Variants in TSHZ2 observed in about 807,000 individuals in gnomAD.
The protein encoded by TSHZ2 is teashirt zinc finger homeobox 2.
Under a neutral mutation model 74.4 loss-of-function variants are expected in TSHZ2, and 21 were observed. The ratio of observed to expected loss-of-function variants is 0.28; its 90% CI spans 0.20 to 0.41. The LOEUF is 0.41. TSHZ2 is among the 10% of genes least tolerant of loss of function. The pLI, the probability that TSHZ2 is intolerant of heterozygous loss-of-function variation, is 1.00. For synonymous variants in TSHZ2, 540 were observed against 515.3 expected, an observed-to-expected ratio of 1.05 and a Z score of -0.65; for missense variants, 1,244 against 1,293.5, an observed-to-expected ratio of 0.96 and a Z score of 0.59.
chr20:53,357,631 T>C (rs774890686), intron 2 of TSHZ2, among the ~76,000 whole-genome samples: 24 of 152,192 alleles, frequency 1.6e-4, no homozygotes, highest in Non-Finnish European at 2.8e-4. Flanking sequence ...CAAGAAACAA[T>C]TACGTACTCA....
intron 1 of TSHZ2, chr20:53,179,256 G>A (rs1477004475): frequency 1.3e-5 from 2 of 151,876 alleles, no homozygotes; most frequent in South Asian, 2.1e-4. Context: ...ACACCACATC[G>A]AGTCTTGGTC....
intron 2 of TSHZ2, among the ~76,000 whole-genome samples, chr20:53,341,460 T>G (rs1393946164): frequency 6.6e-6 from 1 of 152,034 alleles, no homozygotes. Flanking sequence ...CTAAGGCTTT[T>G]CATGCATTAT....
chr20:53,340,419 C>T (rs564404367), intron 2 of TSHZ2, among the ~76,000 whole-genome samples: 30 of 152,096 alleles, frequency 2.0e-4, no homozygotes, highest in African/African-American at 5.8e-4. Flanking sequence ...CTCCTGACCT[C>T]GTGATCCGCC....
chr20:53,058,172 C>T (rs1220874345), intron 1 of TSHZ2, among the ~76,000 whole-genome samples: 1 of 152,112 alleles, frequency 6.6e-6, no homozygotes, highest in African/African-American at 2.4e-5. Context: ...CAGCTCGGGC[C>T]ATAAGACTCT....
intron 2 of TSHZ2, among the ~76,000 whole-genome samples, chr20:53,270,357 G>C (rs1417535232): frequency 1.3e-5 from 2 of 152,086 alleles, no homozygotes; most frequent in East Asian, 3.9e-4. Context: ...TAAGCTGCTA[G>C]GGCCTTATGT....
intron 2 of TSHZ2, among the ~76,000 whole-genome samples, chr20:53,268,159 G>T (rs1026984348): frequency 6.6e-6 from 1 of 152,142 alleles, no homozygotes; most frequent in African/African-American, 2.4e-5. Context: ...GCGGGCATTT[G>T]GAAGTCCTTT....
intron 1 of TSHZ2, among the ~76,000 whole-genome samples, chr20:52,991,388 G>A (rs1462600439): frequency 2.3e-5 from 3 of 132,804 alleles, no homozygotes; most frequent in Non-Finnish European, 3.2e-5. Flanking sequence ...GTATGTTGTG[G>A]GTATCAGTGT....
intron 2 of TSHZ2, among the ~76,000 whole-genome samples, chr20:53,257,836 T>A (rs150427451): frequency 8.0e-4 from 122 of 152,332 alleles, no homozygotes; most frequent in African/African-American, 2.8e-3. Context: ...GAAAAACTAA[T>A]AACATATAAT....
At chr20:53,057,280 C>T (rs1984670632) in intron 1 of TSHZ2, among the ~76,000 whole-genome samples, 1 of 152,142 alleles carries the variant, frequency 6.6e-6, no homozygotes, top group Non-Finnish European at 1.5e-5. Flanking sequence ...TAAGCATGCA[C>T]CATTTTTACT....
At chr20:53,240,905 G>T (rs1038515466) in intron 1 of TSHZ2, among the ~76,000 whole-genome samples, 1 of 152,054 alleles carries the variant, frequency 6.6e-6, no homozygotes, top group Non-Finnish European at 1.5e-5. Context: ...AAGCCAGAAA[G>T]AATATCAAGA....
intron 2 of TSHZ2, among the ~76,000 whole-genome samples, chr20:53,446,257 G>T (rs552378031): frequency 1.7e-3 from 262 of 152,132 alleles, no homozygotes; most frequent in Admixed American, 5.1e-3. Flanking sequence ...CCTTGAAACA[G>T]GAAGTGAATA....
chr20:52,989,954 T>C (rs113333588), intron 1 of TSHZ2, among the ~76,000 whole-genome samples: 8,041 of 151,594 alleles, frequency 0.053, 338 homozygotes, highest in Non-Finnish European at 0.078. Flanking sequence ...TATATATACA[T>C]ACTAATTATA....
At chr20:53,043,640 T>G (rs907678729) in intron 1 of TSHZ2, among the ~76,000 whole-genome samples, 6 of 152,202 alleles carry the variant, frequency 3.9e-5, no homozygotes, top group African/African-American at 1.4e-4. Flanking sequence ...AGTCACAACT[T>G]TAATACTTTG....
chr20:53,298,926 C>T (rs1430167470), intron 2 of TSHZ2, among the ~76,000 whole-genome samples: 1 of 152,134 alleles, frequency 6.6e-6, no homozygotes, highest in Non-Finnish European at 1.5e-5. Flanking sequence ...ATATGAAGTG[C>T]CTCTGTGAAG....
chr20:53,362,472 C>T (rs1374491397), intron 2 of TSHZ2, among the ~76,000 whole-genome samples: 3 of 152,218 alleles, frequency 2.0e-5, no homozygotes, highest in African/African-American at 7.2e-5. Flanking sequence ...GCCTGAGCCA[C>T]CGTGCCCGGC....
chr20:53,029,530 G>A (rs1045361829), intron 1 of TSHZ2, among the ~76,000 whole-genome samples: 1 of 152,158 alleles, frequency 6.6e-6, no homozygotes, highest in Non-Finnish European at 1.5e-5. Flanking sequence ...ACAACAATTA[G>A]CTGGGCGTGG....
chr20:53,134,963 CAAAG>C lies in TSHZ2; in HGVS notation c.41-118532_41-118529del, dbSNP rs533427155. On this transcript the variant is annotated intron_variant, in intron 1 of 2. Coordinates refer to ENST00000371497, the MANE Select transcript of TSHZ2 (RefSeq NM_173485.6). ...TCTCTCCAGGCCATCTCTCCCCTGA[CAAAG>C]AAACACACACACACACACACACACA... Among the ~76,000 whole-genome samples, 26 of 136,966 alleles carry C rather than the reference CAAAG, an allele frequency of 1.9e-4. No individual in the cohort carries two copies. The East Asian group carries it at 2.0e-3, about 10-fold the overall frequency. 89.9% of individuals were successfully genotyped at this position (136,966 alleles called of 152,430 possible).
At chr20:53,294,225 T>C (rs1404919196) in intron 2 of TSHZ2, among the ~76,000 whole-genome samples, 7 of 151,988 alleles carry the variant, frequency 4.6e-5, no homozygotes, top group Non-Finnish European at 2.9e-5. Context: ...CCCTCAAAGG[T>C]TGTTAGGCAG....
chr20:53,299,174 C>T (rs992383423), intron 2 of TSHZ2, among the ~76,000 whole-genome samples: 1 of 152,146 alleles, frequency 6.6e-6, no homozygotes, highest in Admixed American at 6.5e-5. Context: ...GAAGCCGCAC[C>T]CTGTCTTATA....
Sources: allele counts gnomAD v4.1 joint callset (sites outside exome capture counted in the v4.1 genomes callset), GRCh38; gene constraint gnomAD v4.1.1; transcripts MANE v1.5; gene names NCBI Gene and HGNC (gene_info 2026-07-23, HGNC 2026-07-21).